Variants in CCNT2 observed in about 807,000 individuals in gnomAD.
CCNT2 encodes cyclin T2, also known as cyclin-T2.
In CCNT2, 18 loss-of-function variants were observed where a neutral mutation model predicts 70.0. The observed-to-expected ratio is 0.26, with a 90% CI of 0.18 to 0.38. CCNT2 has a LOEUF of 0.38. Ranked by LOEUF, CCNT2 falls within the 10% of genes least tolerant of loss-of-function variation. The pLI is 1.00. For missense variants in CCNT2, 734 were observed against 890.2 expected (o/e 0.82, Z 2.23); for synonymous variants, 334 against 313.3 (o/e 1.07, Z -0.70).
At chr2:134,924,134 A>C (rs1403333712) in intron 2 of CCNT2, among the ~76,000 whole-genome samples, 2 of 152,090 alleles carry the variant, frequency 1.3e-5, no homozygotes, top group Non-Finnish European at 2.9e-5. Flanking sequence ...CTCTTTCATA[A>C]AGCATTCCCC....
At chr2:134,936,568 A>C (rs535206125) in intron 2 of CCNT2, among the ~76,000 whole-genome samples, 4 of 152,100 alleles carry the variant, frequency 2.6e-5, no homozygotes, top group Non-Finnish European at 5.9e-5. Flanking sequence ...AGCCTGGCCA[A>C]CATGGTGAAA....
At chr2:134,949,802 C>CGGGGGG (rs150690024) in intron 7 of CCNT2, among the ~76,000 whole-genome samples, 1 of 48,912 alleles carries the variant, frequency 2.0e-5, no homozygotes, top group African/African-American at 7.3e-5. Flanking sequence ...ATTTTTTTTT[C>CGGGGGG]GGGGGGGGGG....
rs112471982 is a variant in CCNT2, at chr2:134,931,262, C to CTTTTTTTTT, written c.241-5562_241-5554dup. Reference sequence around the variant, plus strand: ...CAGGCATAAGCCACCATGCCCGGATCTTTTTTTTTTTTTTTTTTTTTTTTT... The same window carrying CTTTTTTTTT: ...CAGGCATAAGCCACCATGCCCGGATCTTTTTTTTTTTTTTTTTTTTTTTTTTTTTTTTTT... On this transcript the variant is annotated intron_variant, in intron 2 of 8. Coordinates refer to ENST00000264157, the MANE Select transcript of CCNT2 (RefSeq NM_058241.3). Among the ~76,000 whole-genome samples the CTTTTTTTTT allele has an allele frequency of 5.9e-4, 25 of 42,414 alleles. 5 individuals are homozygous for CTTTTTTTTT. Among genetic ancestry groups the CTTTTTTTTT allele is most frequent in the East Asian group, 1.9e-3 (1 of 532 alleles). 27.8% of individuals were successfully genotyped at this position (42,414 alleles called of 152,430 possible).
At chr2:134,945,404 T>A (rs1321937049) in intron 5 of CCNT2, 9 of 985,244 alleles carry the variant, frequency 9.1e-6, no homozygotes, top group Non-Finnish European at 1.1e-5. Flanking sequence ...AACTTTTCAG[T>A]GTCTTAAGCT....
At chr2:134,930,446 T>C (rs1284982289) in intron 2 of CCNT2, among the ~76,000 whole-genome samples, 1 of 152,240 alleles carries the variant, frequency 6.6e-6, no homozygotes, top group East Asian at 1.9e-4. Context: ...TTATGAATAA[T>C]GCTGCTATGA....
intron 2 of CCNT2, 57 bp from the exon 3 acceptor site, chr2:134,936,784 G>C (rs1823118): frequency 0.27 from 396,585 of 1,479,362 alleles, 61,818 homozygotes; most frequent in Middle Eastern, 0.66. Flanking sequence ...AAAGAAAATA[G>C]AGGGTTTTTT....
At chr2:134,944,065 A>G (rs1681770110) in intron 5 of CCNT2, 1 of 984,940 alleles carries the variant, frequency 1.0e-6, no homozygotes, top group South Asian at 4.7e-5. Flanking sequence ...CTGAAAATCT[A>G]ATTTGTATTT....
chr2:134,928,731 G>GA (rs111365708), intron 2 of CCNT2, among the ~76,000 whole-genome samples: 75 of 145,570 alleles, frequency 5.2e-4, no homozygotes, highest in East Asian at 1.2e-3. Flanking sequence ...TTTAGAAGTT[G>GA]AAAAAAAAAA....
chr2:134,952,950 A>C (rs45480696), intron 8 of CCNT2: 688 of 483,586 alleles, frequency 1.4e-3, no homozygotes, highest in Non-Finnish European at 2.0e-3. Context: ...TTCATTTTAC[A>C]AATGGGGAAA....
chr2:134,945,848 T>C, intron 5 of CCNT2: 1 of 1,475,110 alleles, frequency 6.8e-7, no homozygotes, highest in Non-Finnish European at 9.0e-7. Flanking sequence ...AGTTTAGCCC[T>C]TGTAACTGGC....
chr2:134,940,170 C>T (rs1056574110), intron 4 of CCNT2, among the ~76,000 whole-genome samples: 2 of 152,170 alleles, frequency 1.3e-5, no homozygotes, highest in Non-Finnish European at 2.9e-5. Flanking sequence ...GTCACAATTT[C>T]CCATTGTGAC....
intron 2 of CCNT2, among the ~76,000 whole-genome samples, chr2:134,934,312 T>C (rs906322002): frequency 1.3e-5 from 2 of 152,244 alleles, no homozygotes; most frequent in Non-Finnish European, 2.9e-5. Context: ...TGTAATTGTT[T>C]GATTACTTGA....
chr2:134,954,834 A>G lies in CCNT2; in HGVS notation c.*186A>G, dbSNP rs1166132574. 3 of 573,036 alleles carry G rather than the reference A, an allele frequency of 5.2e-6. No homozygotes were observed. Among genetic ancestry groups the G allele is most frequent in the South Asian group, 4.5e-5 (2 of 44,232 alleles). The allele number at this position is 573,036 out of a possible 1,614,324, so 35.5% of individuals were successfully genotyped here. ...AGTAAACAAGTCTTTATCTCCACATATGATAGTGTTATAAATACTGTAAAA... is the reference window on the plus strand; with the variant it reads ...AGTAAACAAGTCTTTATCTCCACATGTGATAGTGTTATAAATACTGTAAAA... On this transcript the variant is annotated 3_prime_UTR_variant, in exon 9 of 9. Coordinates refer to ENST00000264157, the MANE Select transcript of CCNT2 (RefSeq NM_058241.3).
chr2:134,937,157 A>G (rs1350245674), intron 3 of CCNT2, among the ~76,000 whole-genome samples, 188 bp downstream of exon 3: 3 of 152,190 alleles, frequency 2.0e-5, no homozygotes, highest in African/African-American at 7.2e-5. Context: ...ATGAATTTGG[A>G]TGTCATTCTG....
rs1224972818 is a variant in CCNT2, at chr2:134,948,129, G to A, written c.703+230G>A. On this transcript the variant is annotated intron_variant, in intron 7 of 8. Coordinates refer to ENST00000264157, the MANE Select transcript of CCNT2 (RefSeq NM_058241.3). The stretch of plus-strand genomic sequence containing the variant: ...GAGCCCAGGAGTTCAAGACCAGGCT[G>A]GGCAACATAGACCCTGTCTCTACAA... Among the ~76,000 whole-genome samples the A allele has an allele frequency of 2.0e-5, 3 of 152,056 alleles. No homozygotes were observed. The East Asian group carries it at 5.8e-4, about 29-fold the overall frequency.
rs991390213 is a variant in CCNT2, at chr2:134,943,680, A to G, written c.493+1006A>G. 9 of 984,758 alleles carry G rather than the reference A, an allele frequency of 9.1e-6. No homozygotes were observed. The African/African-American group carries it at 1.0e-4, about 11-fold the overall frequency. The allele number at this position is 984,758 out of a possible 1,614,324, so 61.0% of individuals were successfully genotyped here. ...CATTTTCTACTCCTAAATGAATCCT[A>G]TATATCTGTTGTATCCCTAGAAATA... On this transcript the variant is annotated intron_variant, in intron 5 of 8. Transcript: ENST00000264157.
intron 2 of CCNT2, among the ~76,000 whole-genome samples, chr2:134,924,103 A>C (rs933327268): frequency 6.6e-6 from 1 of 152,228 alleles, no homozygotes; most frequent in Admixed American, 6.5e-5. Flanking sequence ...GTCAGGTTTT[A>C]AGACTCAGCT....
At chr2:134,926,196 TAC>T in intron 2 of CCNT2, among the ~76,000 whole-genome samples, 1 of 152,306 alleles carries the variant, frequency 6.6e-6, no homozygotes, top group East Asian at 1.9e-4. Flanking sequence ...AGTCTTTTCT[TAC>T]AGTCTTTGTG....
intron 5 of CCNT2, chr2:134,944,072 A>T: frequency 6.1e-6 from 6 of 984,944 alleles, no homozygotes; most frequent in Non-Finnish European, 7.2e-6. Context: ...TCTAATTTGT[A>T]TTTTTTTGTA....
Sources: allele counts gnomAD v4.1 joint callset (sites outside exome capture counted in the v4.1 genomes callset), GRCh38; gene constraint gnomAD v4.1.1; transcripts MANE v1.5; gene names NCBI Gene and HGNC (gene_info 2026-07-23, HGNC 2026-07-21).